KCND2: variants seen among roughly 807,000 people sequenced by gnomAD.
KCND2 encodes the protein A-type voltage-gated potassium channel KCND2.
KCND2 carries 16 observed loss-of-function variants against 54.4 expected under a neutral mutation model. The ratio of observed to expected loss-of-function variants is 0.29; its 90% CI spans 0.20 to 0.45. KCND2 has a LOEUF of 0.45. Ranked by LOEUF, KCND2 falls within the 20% of genes least tolerant of loss-of-function variation. The pLI is 1.00. For synonymous variants in KCND2, 317 were observed against 310.7 expected (o/e 1.02, Z -0.21); for missense variants, 486 against 824.2 (o/e 0.59, Z 5.02).
chr7:120,728,790 CAG>C (rs967930906), intron 1 of KCND2, among the ~76,000 whole-genome samples: 18 of 151,540 alleles, frequency 1.2e-4, no homozygotes, highest in African/African-American at 3.9e-4. Flanking sequence ...TAAAGAAAAA[CAG>C]AAAGAATGAA....
chr7:120,323,714 T>C (rs1355316537), intron 1 of KCND2, among the ~76,000 whole-genome samples: 2 of 137,258 alleles, frequency 1.5e-5, no homozygotes, highest in Non-Finnish European at 3.1e-5. Context: ...GACATTTGGG[T>C]TGGTTCCAAG....
intron 1 of KCND2, among the ~76,000 whole-genome samples, chr7:120,350,255 T>A (rs982599081): frequency 2.6e-5 from 4 of 152,098 alleles, no homozygotes; most frequent in African/African-American, 9.6e-5. Context: ...TTTATTAAAT[T>A]GCAGAATCCT....
chr7:120,358,153 T>C (rs535892136), intron 1 of KCND2, among the ~76,000 whole-genome samples: 2 of 152,254 alleles, frequency 1.3e-5, no homozygotes, highest in South Asian at 2.1e-4. Context: ...AATATTCTGA[T>C]AGAAATTAAC....
At chr7:120,320,193 A>G (rs1304442006) in intron 1 of KCND2, among the ~76,000 whole-genome samples, 1 of 152,074 alleles carries the variant, frequency 6.6e-6, no homozygotes, top group Non-Finnish European at 1.5e-5. Flanking sequence ...GAAGACAGGC[A>G]CGTAATATAG....
At chr7:120,428,164 C>G (rs1217695134) in intron 1 of KCND2, among the ~76,000 whole-genome samples, 1 of 152,166 alleles carries the variant, frequency 6.6e-6, no homozygotes, top group Non-Finnish European at 1.5e-5. Flanking sequence ...CCAACTCATT[C>G]TTTAAAAATC....
chr7:120,522,944 G>A (rs1357979959), intron 1 of KCND2, among the ~76,000 whole-genome samples: 2 of 152,122 alleles, frequency 1.3e-5, no homozygotes, highest in Non-Finnish European at 2.9e-5. Flanking sequence ...AGACATACCT[G>A]TCTTTTGATT....
chr7:120,710,517 T>C (rs1792524208), intron 1 of KCND2, among the ~76,000 whole-genome samples: 1 of 152,180 alleles, frequency 6.6e-6, no homozygotes. Context: ...ACAAGGTCAA[T>C]ATCTTCACTG....
rs1056236539 is a variant in KCND2 at position 120,744,760 on chromosome 7, T to A, written c.1468-1020T>A. ...CAATTGTTTTACTCATATTTTAGGA[T>A]GAGAGATGGTTAAGTGGAATTTGGT... On this transcript the variant is annotated intron_variant, in intron 4 of 5. Coordinates refer to ENST00000331113, the MANE Select transcript of KCND2 (RefSeq NM_012281.3). Among the ~76,000 whole-genome samples the A allele has an allele frequency of 3.9e-5, 6 of 152,124 alleles. 1 individual carries two copies. The South Asian group carries it at 1.2e-3, about 32-fold the overall frequency.
intron 1 of KCND2, among the ~76,000 whole-genome samples, chr7:120,413,354 G>A (rs532131196): frequency 1.2e-3 from 175 of 151,936 alleles, no homozygotes; most frequent in South Asian, 2.1e-3. Flanking sequence ...TTTTTCAGCA[G>A]AGTCATCAAA....
intron 1 of KCND2, among the ~76,000 whole-genome samples, chr7:120,620,259 C>T (rs1404884237): frequency 1.3e-5 from 2 of 151,480 alleles, no homozygotes; most frequent in African/African-American, 2.4e-5. Context: ...AAAACTCTTA[C>T]TTTTAAGAGC....
intron 1 of KCND2, among the ~76,000 whole-genome samples, chr7:120,389,663 C>A (rs908250729): frequency 6.6e-6 from 1 of 151,680 alleles, no homozygotes; most frequent in African/African-American, 2.4e-5. Flanking sequence ...TAGTTTTACT[C>A]ATGTTAACCT....
chr7:120,559,975 T>G (rs1164432845), intron 1 of KCND2, among the ~76,000 whole-genome samples: 1 of 152,188 alleles, frequency 6.6e-6, no homozygotes, highest in East Asian at 1.9e-4. Context: ...GTAAAATAGA[T>G]GATTTCATGT....
intron 1 of KCND2, among the ~76,000 whole-genome samples, chr7:120,280,846 G>A (rs894351417): frequency 3.9e-5 from 6 of 151,930 alleles, no homozygotes; most frequent in Admixed American, 6.6e-5. Context: ...GATTATACAG[G>A]GATAAGAGAA....
chr7:120,300,248 A>G (rs1799565988), intron 1 of KCND2, among the ~76,000 whole-genome samples: 1 of 152,134 alleles, frequency 6.6e-6, no homozygotes, highest in Non-Finnish European at 1.5e-5. Context: ...AGATATTATA[A>G]TTTTATGCTT....
chr7:120,453,838 G>A (rs1043644472), intron 1 of KCND2, among the ~76,000 whole-genome samples: 9 of 152,202 alleles, frequency 5.9e-5, no homozygotes, highest in African/African-American at 2.2e-4. Context: ...TGTAATCCCA[G>A]CACTTTGGGA....
intron 1 of KCND2, among the ~76,000 whole-genome samples, chr7:120,642,568 AT>A (rs11327987): frequency 0.38 from 56,553 of 149,176 alleles, 12,608 homozygotes; most frequent in African/African-American, 0.6. Flanking sequence ...AAAATAAAAA[AT>A]AAAAAAAAAT....
intron 1 of KCND2, among the ~76,000 whole-genome samples, chr7:120,369,163 G>A (rs916940427): frequency 6.6e-6 from 1 of 151,776 alleles, no homozygotes; most frequent in African/African-American, 2.4e-5. Context: ...GTTTTGACAA[G>A]CATAAAAGTT....
chr7:120,638,854 T>C (rs1052010041), intron 1 of KCND2, among the ~76,000 whole-genome samples: 1 of 152,134 alleles, frequency 6.6e-6, no homozygotes, highest in Non-Finnish European at 1.5e-5. Context: ...TTACTTAAAG[T>C]TACACCTATT....
intron 1 of KCND2, among the ~76,000 whole-genome samples, chr7:120,495,602 A>G (rs1331081980): frequency 1.3e-5 from 2 of 152,228 alleles, no homozygotes; most frequent in Non-Finnish European, 2.9e-5. Flanking sequence ...AAAAAGTTAC[A>G]ATTTTAGATT....
Sources: gnomAD v4.1 joint callset for allele counts (sites outside exome capture counted in the v4.1 genomes callset) on GRCh38, gnomAD v4.1.1 for gene constraint, MANE v1.5 for transcripts, NCBI Gene and HGNC (gene_info 2026-07-23, HGNC 2026-07-21) for gene names.